The following RPRD2 variants were observed in gnomAD, a reference collection of about 807,000 sequenced individuals.
RPRD2 encodes regulation of nuclear pre-mRNA domain containing 2.
Under a neutral mutation model 104.4 loss-of-function variants are expected in RPRD2, and 12 were observed. The observed-to-expected ratio is 0.11, with a 90% CI of 0.07 to 0.19. The LOEUF (loss-of-function observed/expected upper bound fraction) is 0.19. Ranked by LOEUF, RPRD2 falls within the 10% of genes least tolerant of loss-of-function variation. RPRD2 has a pLI of 1.00. For missense variants in RPRD2, 1,543 were observed against 1,790.1 expected (o/e 0.86, Z 2.49); for synonymous variants, 714 against 684.9 (o/e 1.04, Z -0.66).
chr1:150,466,252 C>T (rs1170758282), intron 10 of RPRD2, among the ~76,000 whole-genome samples: 5 of 151,662 alleles, frequency 3.3e-5, no homozygotes, highest in African/African-American at 9.7e-5. Context: ...GTGGCGGGCA[C>T]CTGTAGTCTT....
At chr1:150,370,718 G>C (rs942328921) in intron 1 of RPRD2, among the ~76,000 whole-genome samples, 1 of 151,674 alleles carries the variant, frequency 6.6e-6, no homozygotes, top group Non-Finnish European at 1.5e-5. Context: ...GGGATTACAG[G>C]TACACACACC....
At chr1:150,376,485 T>A (rs1660699273) in intron 1 of RPRD2, among the ~76,000 whole-genome samples, 1 of 151,802 alleles carries the variant, frequency 6.6e-6, no homozygotes, top group South Asian at 2.1e-4. Context: ...AGTTTTAGAG[T>A]GTAGCATGAT....
intron 1 of RPRD2, among the ~76,000 whole-genome samples, chr1:150,395,349 G>A (rs1319597100): frequency 7.3e-6 from 1 of 136,552 alleles, no homozygotes; most frequent in Admixed American, 7.4e-5. Flanking sequence ...CCTTTTCATG[G>A]CTGAGTAGTA....
chr1:150,448,165 T>G (rs990383300), intron 7 of RPRD2, among the ~76,000 whole-genome samples: 1 of 152,154 alleles, frequency 6.6e-6, no homozygotes, highest in Non-Finnish European at 1.5e-5. Flanking sequence ...ATTTACTTTT[T>G]GTTGTTGTTG....
rs1553876648 is a variant in RPRD2 at position 150,364,170 on chromosome 1, A to G, written c.-545A>G. 2.0e-5 allele frequency among the ~76,000 whole-genome samples: 3 copies of G among 152,114 alleles called. No homozygotes were observed. The highest frequency in any genetic ancestry group is 4.8e-5 in the African/African-American group (2 of 41,422). On this transcript the variant is annotated 5_prime_UTR_variant, in exon 1 of 11. Coordinates refer to ENST00000369068, the MANE Select transcript of RPRD2 (RefSeq NM_015203.5). ...ATACTGTTGCTGCCCCTTTGCTGCT[A>G]TTGCGTTGCAAAAAAAATCCTGACT...
chr1:150,424,898 G>A (rs1665012367), intron 2 of RPRD2, among the ~76,000 whole-genome samples: 1 of 151,738 alleles, frequency 6.6e-6, no homozygotes, highest in African/African-American at 2.4e-5. Context: ...TGTTATTGTT[G>A]CTCTGTTTGA....
At position 150,472,209 on chromosome 1, in the gene RPRD2, CTTG is replaced by C; in HGVS notation, c.3262_3264del (p.Leu1088del). On this transcript the variant is annotated inframe_deletion, in exon 11 of 11. Transcript: ENST00000369068. The stretch of plus-strand genomic sequence containing the variant: ...AAGAAAAGGGGGCCCCTATAGAAAC[CTTG>C]GGTTATCACAGTGCATCCAATAGGA... 6.2e-7 allele frequency: 1 copy of C among 1,613,930 alleles called. No individual in the cohort carries two copies. The highest frequency in any genetic ancestry group is 2.2e-5 in the East Asian group (1 of 44,864).
At chr1:150,445,840 A>G (rs923517451) in intron 6 of RPRD2, among the ~76,000 whole-genome samples, 4 of 152,086 alleles carry the variant, frequency 2.6e-5, no homozygotes, top group Non-Finnish European at 5.9e-5. Context: ...AGGCCCAGGC[A>G]GGCGGATCAC....
At chr1:150,438,640 G>C (rs1553893731) in intron 2 of RPRD2, among the ~76,000 whole-genome samples, 1 of 150,902 alleles carries the variant, frequency 6.6e-6, no homozygotes. Context: ...AAAAAAAAAA[G>C]AGTATGTTCT....
chr1:150,460,118 A>G lies in RPRD2; in HGVS notation c.1212A>G (p.Thr404=). Residue 404 remains threonine (T), a synonymous_variant, in exon 9 of 11, where the codon ACA becomes ACG. Transcript: ENST00000369068. ...EKSAVSTSVP[T]KPTENISKAS... The stretch of plus-strand genomic sequence containing the variant: ...CAGCTGTATCCACTTCTGTACCTAC[A>G]AAGCCAACAGAAAATATCTCAAAGG... 6.2e-7 allele frequency: 1 copy of G among 1,613,976 alleles called. No individual in the cohort carries two copies. Among genetic ancestry groups the G allele is most frequent in the Non-Finnish European group, 8.5e-7 (1 of 1,179,868 alleles).
Position 150,441,967 on chromosome 1 carries a change from C to A in RPRD2, c.514+9C>A, listed in dbSNP as rs1666433969. On this transcript the variant is annotated intron_variant, in intron 4 of 10. Transcript: ENST00000369068. ...GTGGAAGAAATCACAAAGTAAGGAA[C>A]AAAATCTCAACTAATATAAAATTAC... 1.9e-6 allele frequency: 3 copies of A among 1,593,042 alleles called. No homozygotes were observed. Among genetic ancestry groups the A allele is most frequent in the East Asian group, 2.2e-5 (1 of 44,604 alleles).
intron 1 of RPRD2, among the ~76,000 whole-genome samples, chr1:150,410,298 A>G (rs1261231763): frequency 6.6e-6 from 1 of 152,158 alleles, no homozygotes. Context: ...AAGTAGAATA[A>G]TATGATCAAT....
chr1:150,473,863 A>G lies in RPRD2; in HGVS notation c.*529A>G, dbSNP rs1175500911. On this transcript the variant is annotated 3_prime_UTR_variant, in exon 11 of 11. Transcript: ENST00000369068. ...TCTGTGTCCTGCTAACAGCCAAGAG[A>G]TGTTGCAAGGGAGGAAATGTGAGAG... 6.6e-6 allele frequency: 1 copy of G among 152,178 alleles called. No individual in the cohort carries two copies. The highest frequency in any genetic ancestry group is 1.5e-5 in the Non-Finnish European group (1 of 68,064). 9.4% of individuals were successfully genotyped at this position (152,178 alleles called of 1,614,324 possible). A position where few individuals can be genotyped will look rare whatever the true frequency, so the allele number is the denominator to read the frequency against.
chr1:150,456,835 G>T (rs1188948091), intron 7 of RPRD2, among the ~76,000 whole-genome samples: 1 of 151,782 alleles, frequency 6.6e-6, no homozygotes, highest in East Asian at 1.9e-4. Context: ...CGAGGCAGGA[G>T]AATCACTTGA....
At chr1:150,457,743 TAAG>T (rs1667636603) in intron 8 of RPRD2, among the ~76,000 whole-genome samples, 173 bp downstream of exon 8, 1 of 152,188 alleles carries the variant, frequency 6.6e-6, no homozygotes. Flanking sequence ...CCAAATGTGT[TAAG>T]AATCATTGCT....
In RPRD2 at chr1:150,472,893, C is replaced by T. The variant is rs774105279; in HGVS notation, c.3945C>T (p.His1315=). The change falls in exon 11 of 11, where the codon CAC becomes CAT. Residue 1315 remains histidine, a synonymous_variant. Transcript: ENST00000369068. ...TCCCAGCCCCACCACTGGCAGAGCA[C>T]GGAGTGGCAGGGGCTGTGGCAGTAT... The part of the protein sequence containing the change: ...VPFPAPPLAE[H]GVAGAVAVFP... 8.1e-6 allele frequency: 13 copies of T among 1,613,232 alleles called. 1 individual carries two copies. Among genetic ancestry groups the T allele is most frequent in the African/African-American group, 2.7e-5 (2 of 74,940 alleles).
intron 1 of RPRD2, among the ~76,000 whole-genome samples, chr1:150,413,517 C>T (rs1206777755): frequency 2.6e-5 from 4 of 152,002 alleles, no homozygotes; most frequent in African/African-American, 4.8e-5. Flanking sequence ...GCAGGAGAAT[C>T]GCTTGAACCT....
chr1:150,388,090 T>C (rs1661735294), intron 1 of RPRD2, among the ~76,000 whole-genome samples: 1 of 151,704 alleles, frequency 6.6e-6, no homozygotes, highest in African/African-American at 2.4e-5. Flanking sequence ...CTAATTTTTG[T>C]ATTTTTTTGT....
intron 10 of RPRD2, among the ~76,000 whole-genome samples, chr1:150,468,571 C>A (rs1668424649): frequency 2.6e-5 from 4 of 151,622 alleles, no homozygotes; most frequent in Admixed American, 2.6e-4. Flanking sequence ...TTTGTGAGAA[C>A]AGTGATTACT....
Sources: gnomAD v4.1 joint callset for allele counts (sites outside exome capture counted in the v4.1 genomes callset) on GRCh38, gnomAD v4.1.1 for gene constraint, MANE v1.5 for transcripts, NCBI Gene and HGNC (gene_info 2026-07-23, HGNC 2026-07-21) for gene names.